EXOSC3: variants seen among roughly 807,000 people sequenced by gnomAD.
EXOSC3 encodes the protein exosome component 3, also known as exosome complex component RRP40.
Under a neutral mutation model 25.1 loss-of-function variants are expected in EXOSC3, and 18 were observed. The observed-to-expected ratio is 0.72, with a 90% CI of 0.50 to 1.06. The LOEUF is 1.06. Ranked by LOEUF, EXOSC3 falls within the 50% of genes least tolerant of loss-of-function variation. EXOSC3 has a pLI of 0.00. For synonymous variants in EXOSC3, 165 were observed against 132.2 expected (o/e 1.25, Z -1.70); for missense variants, 382 against 350.9 (o/e 1.09, Z -0.71).
chr9:37,780,863 C>T lies in EXOSC3; in HGVS notation c.644G>A (p.Cys215Tyr). ...GLIRKLLAPDCEIIQEVGKLY... is the reference protein window; with the variant it reads ...GLIRKLLAPDYEIIQEVGKLY... ...TTTTCCCACTTCCTGTATGATTTCA[C>T]AATCTGGAGCTAATAGCCTGGTGGG... is the stretch of plus-strand genomic sequence containing the variant. The change falls in exon 4 of 4, where the codon TGT (cysteine) becomes TAT (tyrosine). Residue 215 changes from cysteine to tyrosine, a missense_variant. Coordinates refer to ENST00000327304, the MANE Select transcript of EXOSC3 (RefSeq NM_016042.4). The T allele has an allele frequency of 6.2e-7, 1 of 1,613,266 alleles. No homozygotes were observed. Among genetic ancestry groups the T allele is most frequent in the Non-Finnish European group, 8.5e-7 (1 of 1,179,730 alleles).
At position 37,785,008 on chromosome 9, in the gene EXOSC3, C is replaced by G. The variant is rs758230758; in HGVS notation, c.37G>C (p.Ala13Pro). Residue 13 changes from alanine (A) to proline (P), a missense_variant, in exon 1 of 4, where the codon GCG becomes CCG. Physicochemically the swap from Ala to Pro is conservative, Grantham distance 27. Transcript: ENST00000327304. ...EPASVAAESL[A>P]GSRARAARTV... is the part of the protein sequence containing the mutation. ...CGTGCAGCGCGCGCCCTGCTGCCCG[C>G]GAGAGATTCAGCCGCGACAGACGCA... is the stretch of plus-strand genomic sequence containing the variant. The G allele has an allele frequency of 1.3e-5, 21 of 1,604,302 alleles. 1 individual carries two copies. The highest frequency in any genetic ancestry group is 8.4e-5 in the Admixed American group (5 of 59,828).
At position 37,784,707 on chromosome 9, in the gene EXOSC3, G is replaced by T; in HGVS notation, c.324+14C>A. The T allele has an allele frequency of 6.3e-7, 1 of 1,579,854 alleles. No homozygotes were observed. Among genetic ancestry groups the T allele is most frequent in the Non-Finnish European group, 8.6e-7 (1 of 1,166,068 alleles). Reference sequence around the variant, plus strand: ...CTCTCACTGCCGCACCACCCCTCCGGAGTCCCAGCTCACCCGCTTCTGCTG... The same window carrying T: ...CTCTCACTGCCGCACCACCCCTCCGTAGTCCCAGCTCACCCGCTTCTGCTG... On this transcript the variant is annotated intron_variant, in intron 1 of 3. Transcript: ENST00000327304.
rs1828649140 is a variant in EXOSC3 at position 37,784,032 on chromosome 9, C to A, written c.356G>T (p.Gly119Val). The A allele has an allele frequency of 6.2e-7, 1 of 1,613,048 alleles. No individual in the cohort carries two copies. The highest frequency in any genetic ancestry group is 8.5e-7 in the Non-Finnish European group (1 of 1,179,626). The change falls in exon 2 of 4, where the codon GGC (glycine) becomes GTC (valine). Residue 119 changes from glycine to valine, a missense_variant. Transcript: ENST00000327304. ...YVPVKGDHVI[G>V]IVTAKSGDIF... ...ATCTCCAGATTTAGCTGTCACTATG[C>A]CAATCACATGGTCTCCTTTTACTGG...
intron 1 of EXOSC3, 85 bp downstream of exon 1, chr9:37,784,636 G>A: frequency 7.1e-7 from 1 of 1,406,100 alleles, no homozygotes; most frequent in South Asian, 1.4e-5. Context: ...GAGGGCCTCA[G>A]GGTCCCTCTC....
chr9:37,784,822 C>T lies in EXOSC3; in HGVS notation c.223G>A (p.Gly75Arg), dbSNP rs1828671747. 1.2e-6 allele frequency: 2 copies of T among 1,608,692 alleles called. No individual in the cohort carries two copies. ...CACTTGGTGACCAGCAGGCGGTCCC[C>T]ACAGCGCCGAAGGCCCGGACCGCAT... is the stretch of plus-strand genomic sequence containing the variant. ...VVCGPGLRRC[G>R]DRLLVTKCGR... Residue 75 changes from glycine (G) to arginine (R), a missense_variant, in exon 1 of 4, where the codon GGG becomes AGG. Coordinates refer to ENST00000327304, the MANE Select transcript of EXOSC3 (RefSeq NM_016042.4).
rs1828561328 is a variant in EXOSC3 at position 37,780,532 on chromosome 9, T to G, written c.*147A>C. On this transcript the variant is annotated 3_prime_UTR_variant, in exon 4 of 4. Transcript: ENST00000327304. The stretch of plus-strand genomic sequence containing the variant: ...ATTTTCTCTCCCACAAAAGCGTGGG[T>G]GAAAACCAGTAACTTATAAAAATAC... 1 of 654,072 alleles carries G rather than the reference T, an allele frequency of 1.5e-6. No individual in the cohort carries two copies. Among genetic ancestry groups the G allele is most frequent in the Non-Finnish European group, 2.6e-6 (1 of 386,188 alleles). The allele number at this position is 654,072 out of a possible 1,614,324, so 40.5% of individuals were successfully genotyped here.
intron 2 of EXOSC3, among the ~76,000 whole-genome samples, chr9:37,782,740 T>C (rs1338029404): frequency 6.6e-6 from 1 of 152,346 alleles, no homozygotes; most frequent in Middle Eastern, 3.4e-3. Context: ...AGTGAACTCA[T>C]TCTGTTCACT....
intron 2 of EXOSC3, 101 bp from the exon 3 acceptor site, chr9:37,782,238 G>A: frequency 7.8e-7 from 1 of 1,276,696 alleles, no homozygotes; most frequent in Non-Finnish European, 1.1e-6. Flanking sequence ...CTACAGTTCT[G>A]TGGCTAAGGG....
rs112632776 is a variant in EXOSC3 at position 37,780,623 on chromosome 9, C to T, written c.*56G>A. On this transcript the variant is annotated 3_prime_UTR_variant, in exon 4 of 4. Coordinates refer to ENST00000327304, the MANE Select transcript of EXOSC3 (RefSeq NM_016042.4). ...TGAGTATTTAAATGGGGGAGGTTCACCTGAAAAAACCCATAGTTTTTTGCC... is the reference window on the plus strand; with the variant it reads ...TGAGTATTTAAATGGGGGAGGTTCATCTGAAAAAACCCATAGTTTTTTGCC... 4.7e-5 allele frequency: 67 copies of T among 1,411,032 alleles called. No individual in the cohort carries two copies. The African/African-American group carries it at 8.2e-4, about 17-fold the overall frequency. 87.4% of individuals were successfully genotyped at this position (1,411,032 alleles called of 1,614,324 possible). A position where few individuals can be genotyped will look rare whatever the true frequency, so the allele number is the denominator to read the frequency against.
chr9:37,784,054 C>G lies in EXOSC3; in HGVS notation c.334G>C (p.Val112Leu), dbSNP rs766461372. The change falls in exon 2 of 4, where the codon GTA (valine) becomes CTA (leucine). Residue 112 changes from valine to leucine, a missense_variant. Physicochemically the swap from Val to Leu is conservative, Grantham distance 32. Transcript: ENST00000327304. ...VDSQQKRYVP[V>L]KGDHVIGIVT... ...ATGCCAATCACATGGTCTCCTTTTACTGGAACATACTACAAAAAGAAACAG... is the reference window on the plus strand; with the variant it reads ...ATGCCAATCACATGGTCTCCTTTTAGTGGAACATACTACAAAAAGAAACAG... The G allele has an allele frequency of 6.2e-7, 1 of 1,607,834 alleles. No homozygotes were observed. The highest frequency in any genetic ancestry group is 2.2e-5 in the East Asian group (1 of 44,662).
In EXOSC3 at chr9:37,780,685, T is replaced by C; in HGVS notation, c.822A>G (p.Glu274=). 6.2e-7 allele frequency: 1 copy of C among 1,613,240 alleles called. No individual in the cohort carries two copies. The highest frequency in any genetic ancestry group is 8.5e-7 in the Non-Finnish European group (1 of 1,179,834). ...QRKQIFSRLA[E]S The stretch of plus-strand genomic sequence containing the variant: ...GTAAAAAAGTCCACCTATATCAACT[T>C]TCTGCCAATCTGGAGAAGATCTGTT... The change falls in exon 4 of 4, where the codon GAA becomes GAG. Residue 274 remains glutamate, a synonymous_variant. Transcript: ENST00000327304.
At position 37,780,757 on chromosome 9, in the gene EXOSC3, CAAAA is replaced by C. The variant is rs1232661607; in HGVS notation, c.746_749del (p.Ile249ArgfsTer5). The C allele has an allele frequency of 1.1e-5, 17 of 1,613,868 alleles. No homozygotes were observed. Among genetic ancestry groups the C allele is most frequent in the Non-Finnish European group, 1.4e-5 (16 of 1,179,946 alleles). ...GTTCACAAGCTTCTAAAATGTTTGC[CAAAA>C]TTAAAGTCTGCTGGATGGTTTTTGC... On this transcript the variant is annotated frameshift_variant, in exon 4 of 4. Transcript: ENST00000327304. LOFTEE classifies it high-confidence loss of function.
chr9:37,784,136 C>T lies in EXOSC3; in HGVS notation c.325-73G>A, dbSNP rs1828653417. The T allele has an allele frequency of 6.8e-6, 10 of 1,477,448 alleles. 1 individual carries two copies. The South Asian group carries it at 1.0e-4, about 15-fold the overall frequency. 91.5% of individuals were successfully genotyped at this position (1,477,448 alleles called of 1,614,324 possible). ...CATTGGAAGATACCTTCAGCAAGTC[C>T]TTTGTGGTTACTTTATTGTCATTAA... On this transcript the variant is annotated intron_variant, in intron 1 of 3. Transcript: ENST00000327304.
chr9:37,782,937 G>T (rs1828626350), intron 2 of EXOSC3, among the ~76,000 whole-genome samples: 2 of 152,200 alleles, frequency 1.3e-5, no homozygotes, highest in South Asian at 2.1e-4. Flanking sequence ...GGCAACTAGA[G>T]ATGGCTTTAC....
Position 37,780,846 on chromosome 9 carries a change from C to T in EXOSC3, c.661G>A (p.Val221Met). 1 of 1,613,652 alleles carries T rather than the reference C, an allele frequency of 6.2e-7. No individual in the cohort carries two copies. Among genetic ancestry groups the T allele is most frequent in the Non-Finnish European group, 8.5e-7 (1 of 1,179,822 alleles). Residue 221 changes from valine (V) to methionine (M), a missense_variant, in exon 4 of 4, where the codon GTG (valine) becomes ATG (methionine). Coordinates refer to ENST00000327304, the MANE Select transcript of EXOSC3 (RefSeq NM_016042.4). ...LAPDCEIIQE[V>M]GKLYPLEIVF... ...ATCTCCAGTGGATAGAGTTTTCCCA[C>T]TTCCTGTATGATTTCACAATCTGGA...
In EXOSC3 at chr9:37,780,097, T is replaced by G. The variant is rs886063932; in HGVS notation, c.*582A>C. On this transcript the variant is annotated 3_prime_UTR_variant, in exon 4 of 4. Transcript: ENST00000327304. The stretch of plus-strand genomic sequence containing the variant: ...CAAAAGTATATTACAAAGTGGCATA[T>G]AAGCTATAATAACTATAATTTCAAT... 6.6e-6 allele frequency: 1 copy of G among 150,456 alleles called. No individual in the cohort carries two copies. Among genetic ancestry groups the G allele is most frequent in the Admixed American group, 6.6e-5 (1 of 15,190 alleles). 9.3% of individuals were successfully genotyped at this position (150,456 alleles called of 1,614,324 possible). A position where few individuals can be genotyped will look rare whatever the true frequency, so the allele number is the denominator to read the frequency against.
rs1828537278 is a variant in EXOSC3, at chr9:37,780,103, A to G, written c.*576T>C. ...TATATTACAAAGTGGCATATAAGCT[A>G]TAATAACTATAATTTCAATTTGATG... is the stretch of plus-strand genomic sequence containing the variant. On this transcript the variant is annotated 3_prime_UTR_variant, in exon 4 of 4. Transcript: ENST00000327304. 7.5e-6 allele frequency: 1 copy of G among 134,094 alleles called. No individual in the cohort carries two copies. The highest frequency in any genetic ancestry group is 2.2e-4 in the South Asian group (1 of 4,584). The allele number at this position is 134,094 out of a possible 1,614,324, so 8.3% of individuals were successfully genotyped here. A position where few individuals can be genotyped will look rare whatever the true frequency, so the allele number is the denominator to read the frequency against.
chr9:37,784,850 A>T lies in EXOSC3; in HGVS notation c.195T>A (p.Val65=). ...AGCGCCGAAGGCCCGGACCGCATAC[A>T]ACGCGCACCCGCGAGCACGCTCTAG... ...LNARACSRVR[V]VCGPGLRRCG... Residue 65 remains valine (V), a synonymous_variant, in exon 1 of 4, where the codon GTT becomes GTA. Coordinates refer to ENST00000327304, the MANE Select transcript of EXOSC3 (RefSeq NM_016042.4). 1 of 1,608,762 alleles carries T rather than the reference A, an allele frequency of 6.2e-7. No homozygotes were observed. The highest frequency in any genetic ancestry group is 8.5e-7 in the Non-Finnish European group (1 of 1,177,816).
rs548993202 is a variant in EXOSC3 at position 37,784,366 on chromosome 9, T to C, written c.325-303A>G. ...GAAGCCCATTCCATAGACAATTTTTTCTATATGAAATTCTTACCTGTTCTA... is the reference window on the plus strand; with the variant it reads ...GAAGCCCATTCCATAGACAATTTTTCCTATATGAAATTCTTACCTGTTCTA... On this transcript the variant is annotated intron_variant, in intron 1 of 3. Transcript: ENST00000327304. The C allele has an allele frequency of 6.2e-5, 29 of 468,230 alleles. 1 individual carries two copies. In the East Asian group the frequency reaches 9.8e-4, roughly 16 times the overall value. The allele number at this position is 468,230 out of a possible 1,614,324, so 29.0% of individuals were successfully genotyped here. A position where few individuals can be genotyped will look rare whatever the true frequency, so the allele number is the denominator to read the frequency against.
Sources: allele counts gnomAD v4.1 joint callset (sites outside exome capture counted in the v4.1 genomes callset), GRCh38; gene constraint gnomAD v4.1.1; transcripts MANE v1.5; gene names NCBI Gene and HGNC (gene_info 2026-07-23, HGNC 2026-07-21).